STK24: variants seen among roughly 807,000 people sequenced by gnomAD.
STK24 encodes serine/threonine-protein kinase 24.
Under a neutral mutation model 55.6 loss-of-function variants are expected in STK24, and 21 were observed. That is an observed-to-expected ratio of 0.38 (90% CI 0.27 to 0.54). The LOEUF is 0.54. STK24 is among the 20% of genes least tolerant of loss of function. STK24 has a pLI of 0.79. For missense variants in STK24, 383 were observed against 538.4 expected, an observed-to-expected ratio of 0.71 and a Z score of 2.86; for synonymous variants, 200 against 215.2, an observed-to-expected ratio of 0.93 and a Z score of 0.62.
At chr13:98,511,459 T>C (rs962596441) in intron 2 of STK24, among the ~76,000 whole-genome samples, 12 of 152,232 alleles carry the variant, frequency 7.9e-5, no homozygotes, top group Non-Finnish European at 2.9e-5. Context: ...GTATTTGCTC[T>C]AGAAAAATGA....
intron 1 of STK24, among the ~76,000 whole-genome samples, chr13:98,555,681 CTTT>C (rs371915680): frequency 1.5e-5 from 2 of 129,232 alleles, no homozygotes; most frequent in Admixed American, 7.8e-5. Context: ...GCCTCCCTGT[CTTT>C]TTTTTTTTTT....
chr13:98,460,214 T>C (rs200940503), intron 9 of STK24, among the ~76,000 whole-genome samples, 158 bp downstream of exon 9: 3 of 151,460 alleles, frequency 2.0e-5, no homozygotes, highest in African/African-American at 7.3e-5. Context: ...CGCAAGGTGG[T>C]GCTGACAGCC....
intron 3 of STK24, among the ~76,000 whole-genome samples, chr13:98,481,040 A>T (rs1894561744): frequency 6.6e-6 from 1 of 152,124 alleles, no homozygotes; most frequent in Admixed American, 6.5e-5. Context: ...AACCTCTAAC[A>T]CTGCAATGAC....
intron 2 of STK24, among the ~76,000 whole-genome samples, chr13:98,486,975 A>C (rs1433013371): frequency 6.6e-6 from 1 of 152,234 alleles, no homozygotes; most frequent in Non-Finnish European, 1.5e-5. Flanking sequence ...ACTTGGCAAA[A>C]TTCATGGTGC....
At chr13:98,468,847 A>C (rs1894025786) in intron 5 of STK24, among the ~76,000 whole-genome samples, 1 of 152,146 alleles carries the variant, frequency 6.6e-6, no homozygotes, top group Non-Finnish European at 1.5e-5. Context: ...GGATATTCCA[A>C]ATCTTCTCTT....
In STK24 at chr13:98,450,978, G is replaced by A. The variant is rs978398122; in HGVS notation, c.*2195C>T. 6.6e-6 allele frequency: 1 copy of A among 152,250 alleles called. No homozygotes were observed. The highest frequency in any genetic ancestry group is 2.4e-5 in the African/African-American group (1 of 41,442). The allele number at this position is 152,250 out of a possible 1,614,324, so 9.4% of individuals were successfully genotyped here. A position where few individuals can be genotyped will look rare whatever the true frequency, so the allele number is the denominator to read the frequency against. On this transcript the variant is annotated 3_prime_UTR_variant, in exon 11 of 11. Coordinates refer to ENST00000539966, the MANE Select transcript of STK24 (RefSeq NM_001032296.4). ...GAAATGCTGCCAGTCAACTCTAAAA[G>A]AACCACTTGTTGCTCTACGGGGGAA...
At chr13:98,475,014 G>T in intron 4 of STK24, 36 bp from the exon 5 acceptor site, 1 of 1,577,852 alleles carries the variant, frequency 6.3e-7, no homozygotes, top group South Asian at 1.2e-5. Context: ...TGGGCGGTGC[G>T]GACTTACAAC....
chr13:98,482,249 C>A lies in STK24; in HGVS notation c.330+16G>T. ...AAAAGCTTTGATACGTATTCTGCAT[C>A]CAACATAATACTTACTAGATCTAGT... is the stretch of plus-strand genomic sequence containing the variant. On this transcript the variant is annotated intron_variant, in intron 3 of 10. Coordinates refer to ENST00000539966, the MANE Select transcript of STK24 (RefSeq NM_001032296.4). 1 of 1,467,344 alleles carries A rather than the reference C, an allele frequency of 6.8e-7. No individual in the cohort carries two copies. Among genetic ancestry groups the A allele is most frequent in the Non-Finnish European group, 9.3e-7 (1 of 1,080,474 alleles). The allele number at this position is 1,467,344 out of a possible 1,614,324, so 90.9% of individuals were successfully genotyped here. A position where few individuals can be genotyped will look rare whatever the true frequency, so the allele number is the denominator to read the frequency against.
At chr13:98,476,572 G>C (rs1015166216) in intron 3 of STK24, among the ~76,000 whole-genome samples, 2 of 152,240 alleles carry the variant, frequency 1.3e-5, no homozygotes, top group African/African-American at 4.8e-5. Flanking sequence ...GGAAGCATCC[G>C]ACTCAGGCGT....
chr13:98,487,344 A>C (rs1000725683), intron 2 of STK24, among the ~76,000 whole-genome samples: 1 of 152,358 alleles, frequency 6.6e-6, no homozygotes, highest in Admixed American at 6.5e-5. Context: ...CAACAACCTC[A>C]AATAACCTAA....
At chr13:98,534,039 G>A (rs764450422) in intron 1 of STK24, among the ~76,000 whole-genome samples, 14 of 152,212 alleles carry the variant, frequency 9.2e-5, no homozygotes, top group African/African-American at 3.1e-4. Context: ...TGGTGCTAGC[G>A]GGCACCCCGC....
At chr13:98,472,360 G>A (rs1219424591) in intron 5 of STK24, among the ~76,000 whole-genome samples, 3 of 152,200 alleles carry the variant, frequency 2.0e-5, no homozygotes, top group Non-Finnish European at 4.4e-5. Context: ...TCTGAAGGGA[G>A]GACTTGCCCT....
At chr13:98,504,475 G>A (rs1024902960) in intron 2 of STK24, among the ~76,000 whole-genome samples, 9 of 152,208 alleles carry the variant, frequency 5.9e-5, no homozygotes, top group Admixed American at 1.3e-4. Context: ...CGAGACTCAG[G>A]TCGTGGTGAC....
Position 98,533,421 on chromosome 13 carries a change from AT to A in STK24, c.43-13949del, listed in dbSNP as rs1194330335. Among the ~76,000 whole-genome samples the A allele has an allele frequency of 2.6e-5, 4 of 152,160 alleles. No individual in the cohort carries two copies. In the East Asian group the frequency reaches 7.7e-4, roughly 29 times the overall value. ...AGATTAAGGAATACTTAATATTTTA[AT>A]TAAGGAAAACCCTAGTGCTAGCATC... On this transcript the variant is annotated intron_variant, in intron 1 of 10. Transcript: ENST00000539966.
intron 2 of STK24, among the ~76,000 whole-genome samples, chr13:98,482,786 C>T (rs1333560082): frequency 6.6e-6 from 1 of 152,198 alleles, no homozygotes; most frequent in African/African-American, 2.4e-5. Context: ...CGCCCCCCAC[C>T]CCCTACCGTG....
chr13:98,527,400 T>C (rs1224403343), intron 1 of STK24, among the ~76,000 whole-genome samples: 1 of 152,030 alleles, frequency 6.6e-6, no homozygotes, highest in Admixed American at 6.5e-5. Flanking sequence ...CCACCCCAAT[T>C]AGAGCGGTGG....
chr13:98,482,796 G>C (rs1272637169), intron 2 of STK24, among the ~76,000 whole-genome samples: 2 of 152,166 alleles, frequency 1.3e-5, no homozygotes, highest in African/African-American at 4.8e-5. Flanking sequence ...CCCCTACCGT[G>C]TGTCTCCAGG....
chr13:98,513,860 T>C (rs1895967466), intron 2 of STK24, among the ~76,000 whole-genome samples: 1 of 152,326 alleles, frequency 6.6e-6, no homozygotes, highest in East Asian at 1.9e-4. Flanking sequence ...ACACCAAGCA[T>C]ATATCTGAAC....
At chr13:98,521,011 C>A (rs543621844) in intron 1 of STK24, among the ~76,000 whole-genome samples, 1 of 152,310 alleles carries the variant, frequency 6.6e-6, no homozygotes, top group East Asian at 1.9e-4. Context: ...ACGGGAAATG[C>A]GTCCTGGGGT....
Sources: allele counts gnomAD v4.1 joint callset (sites outside exome capture counted in the v4.1 genomes callset), GRCh38; gene constraint gnomAD v4.1.1; transcripts MANE v1.5; gene names NCBI Gene and HGNC (gene_info 2026-07-23, HGNC 2026-07-21).